LRBA: variants seen among roughly 807,000 people sequenced by gnomAD.
LRBA encodes LPS responsive beige-like anchor protein.
Under a neutral mutation model 330.0 loss-of-function variants are expected in LRBA, and 176 were observed. The ratio of observed to expected loss-of-function variants is 0.53; its 90% CI spans 0.47 to 0.60. The LOEUF (loss-of-function observed/expected upper bound fraction) is 0.60. LRBA is among the 20% of genes least tolerant of loss of function. The pLI is 0.00. For missense variants in LRBA, 3,259 were observed against 3,444.8 expected, an observed-to-expected ratio of 0.95 and a Z score of 1.35; for synonymous variants, 1,230 against 1,193.0, an observed-to-expected ratio of 1.03 and a Z score of -0.64.
intron 40 of LRBA, among the ~76,000 whole-genome samples, chr4:150,517,966 C>T (rs894993334): frequency 3.9e-5 from 6 of 152,216 alleles, no homozygotes; most frequent in African/African-American, 1.4e-4. Context: ...TGAAGTATGA[C>T]AGCAAAACTA....
chr4:150,579,219 T>C (rs1417167837), intron 40 of LRBA: 4 of 456,698 alleles, frequency 8.8e-6, no homozygotes, highest in South Asian at 3.1e-5. Flanking sequence ...TATACTAACA[T>C]ACATAAAAGC....
At chr4:150,884,010 G>A (rs1274495592) in intron 17 of LRBA, among the ~76,000 whole-genome samples, 2 of 152,028 alleles carry the variant, frequency 1.3e-5, no homozygotes, top group African/African-American at 4.8e-5. Context: ...TTGAGAAATT[G>A]CTAGAAATTC....
chr4:150,685,411 TATATATA>T, intron 36 of LRBA, among the ~76,000 whole-genome samples: 2 of 19,828 alleles, frequency 1.0e-4, no homozygotes, highest in East Asian at 1.4e-3. Flanking sequence ...TATATATATA[TATATATA>T]TATTTTTTTT....
At chr4:150,881,567 A>G (rs1728385311) in intron 17 of LRBA, among the ~76,000 whole-genome samples, 1 of 152,328 alleles carries the variant, frequency 6.6e-6, no homozygotes, top group South Asian at 2.1e-4. Context: ...ATTGAGTGCT[A>G]TACTCAGTAC....
intron 40 of LRBA, among the ~76,000 whole-genome samples, chr4:150,510,072 G>A (rs544383586): frequency 6.6e-6 from 1 of 152,182 alleles, no homozygotes; most frequent in East Asian, 1.9e-4. Flanking sequence ...GGAGGGAGGT[G>A]GAGGTTGCAG....
At chr4:150,684,958 A>T (rs1388041874) in intron 36 of LRBA, among the ~76,000 whole-genome samples, 1 of 152,112 alleles carries the variant, frequency 6.6e-6, no homozygotes, top group Non-Finnish European at 1.5e-5. Context: ...AATCACACCC[A>T]CACTGGCAAA....
chr4:150,289,234 T>C (rs997541143), intron 53 of LRBA, among the ~76,000 whole-genome samples: 1 of 152,150 alleles, frequency 6.6e-6, no homozygotes, highest in African/African-American at 2.4e-5. Flanking sequence ...AAAATACTAG[T>C]TTCCAATAAT....
intron 34 of LRBA, among the ~76,000 whole-genome samples, chr4:150,775,763 T>TAAAGGAAA (rs1737217812): frequency 4.6e-5 from 3 of 65,066 alleles, no homozygotes; most frequent in African/African-American, 1.8e-4. Context: ...GAAATATAAG[T>TAAAGGAAA]AAAGGAAAAA....
intron 33 of LRBA, among the ~76,000 whole-genome samples, chr4:150,803,079 T>TACACACACACACACACACACAC (rs1203657007): frequency 3.7e-5 from 4 of 108,220 alleles, no homozygotes; most frequent in African/African-American, 1.6e-4. Context: ...AAAAAAAATA[T>TACACACACACACACACACACAC]ATATACACAC....
rs768445783 is a variant in LRBA at position 150,436,913 on chromosome 4, T to C, written c.6781-49A>G. On this transcript the variant is annotated intron_variant, in intron 44 of 56. Coordinates refer to ENST00000651943, the MANE Select transcript of LRBA (RefSeq NM_001364905.1). ...AAAGAATACATCAATGTAATCATCC[T>C]TCATGTCTTCCTCTCTTCTGATGAT... The C allele has an allele frequency of 3.9e-6, 6 of 1,537,344 alleles. No homozygotes were observed. In the South Asian group the frequency reaches 5.6e-5, roughly 14 times the overall value.
intron 40 of LRBA, among the ~76,000 whole-genome samples, chr4:150,520,851 A>T (rs1434053045): frequency 6.6e-6 from 1 of 152,188 alleles, no homozygotes; most frequent in Admixed American, 6.5e-5. Flanking sequence ...ATAGTATAAT[A>T]GTATACCTAT....
At chr4:150,909,146 T>C (rs755433622) in intron 9 of LRBA, among the ~76,000 whole-genome samples, 1 of 152,216 alleles carries the variant, frequency 6.6e-6, no homozygotes, top group Non-Finnish European at 1.5e-5. Context: ...GCATATAATA[T>C]ACAACTTACC....
At chr4:150,994,911 C>T (rs1017244885) in intron 2 of LRBA, among the ~76,000 whole-genome samples, 6 of 152,144 alleles carry the variant, frequency 3.9e-5, no homozygotes, top group African/African-American at 1.4e-4. Flanking sequence ...CAGCCTCTCC[C>T]CTGGGAGCAT....
At chr4:150,449,288 A>G (rs192164966) in intron 44 of LRBA, among the ~76,000 whole-genome samples, 208 of 152,198 alleles carry the variant, frequency 1.4e-3, no homozygotes, top group African/African-American at 4.7e-3. Flanking sequence ...TCAAGAAGAC[A>G]TGTCCTGCAC....
Position 150,849,482 on chromosome 4 carries a change from G to A in LRBA, c.4098C>T (p.Asp1366=). ...TACCCCCACAAGCCATGACCATATT[G>A]TCCATCACTTGAGAGATGAGATGAA... is the stretch of plus-strand genomic sequence containing the variant. ...NTIHLISQVM[D]NMVMACGGIL... The change falls in exon 25 of 57, where the codon GAC becomes GAT. Residue 1366 remains aspartate (D), a synonymous_variant. Coordinates refer to ENST00000651943, the MANE Select transcript of LRBA (RefSeq NM_001364905.1). 2 of 1,613,212 alleles carry A rather than the reference G, an allele frequency of 1.2e-6. No homozygotes were observed. Among genetic ancestry groups the A allele is most frequent in the Non-Finnish European group, 1.7e-6 (2 of 1,179,190 alleles).
At position 150,735,343 on chromosome 4, in the gene LRBA, T is replaced by A. The variant is rs1366238149; in HGVS notation, c.5669A>T (p.Asp1890Val). The A allele has an allele frequency of 1.9e-6, 3 of 1,613,124 alleles. No homozygotes were observed. The highest frequency in any genetic ancestry group is 2.5e-6 in the Non-Finnish European group (3 of 1,179,338). Reference sequence around the variant, plus strand: ...TTCATTTGCTACTCTTACTAGATGATCCTTCATTGTCTGGCTAAGCAACCT... The same window carrying A: ...TTCATTTGCTACTCTTACTAGATGAACCTTCATTGTCTGGCTAAGCAACCT... The part of the protein sequence containing the change: ...EGRLLSQTMK[D>V]HLVRVANEAE... The change falls in exon 36 of 57, where the codon GAT becomes GTT. Residue 1890 changes from aspartate (D) to valine (V), a missense_variant. Asp to Val is a radical substitution (Grantham distance 152). Transcript: ENST00000651943.
intron 31 of LRBA, among the ~76,000 whole-genome samples, chr4:150,814,628 T>C (rs1744279881): frequency 6.6e-6 from 1 of 151,042 alleles, no homozygotes; most frequent in African/African-American, 2.4e-5. Context: ...AAGCAATAAC[T>C]GTTTTTTTAA....
chr4:150,956,223 TAA>T, intron 2 of LRBA, among the ~76,000 whole-genome samples: 1 of 148,832 alleles, frequency 6.7e-6, no homozygotes, highest in Non-Finnish European at 1.5e-5. Flanking sequence ...AATGAGATTA[TAA>T]AGACACACTA....
chr4:150,647,636 C>A (rs928144773), intron 37 of LRBA, among the ~76,000 whole-genome samples: 2 of 151,850 alleles, frequency 1.3e-5, no homozygotes, highest in African/African-American at 2.4e-5. Context: ...TGGGCTCAAG[C>A]AATTTTCCCA....
Sources: gnomAD v4.1 joint callset for allele counts (sites outside exome capture counted in the v4.1 genomes callset) on GRCh38, gnomAD v4.1.1 for gene constraint, MANE v1.5 for transcripts, NCBI Gene and HGNC (gene_info 2026-07-23, HGNC 2026-07-21) for gene names.